Variants in CSMD1 observed in about 807,000 individuals in gnomAD.
CSMD1 encodes CUB and Sushi multiple domains 1.
In CSMD1, 213 loss-of-function variants were observed where a neutral mutation model predicts 417.5. That is an observed-to-expected ratio of 0.51 (90% CI 0.46 to 0.57). CSMD1 has a LOEUF of 0.57. Among genes scored for constraint, CSMD1 ranks in the 20% least tolerant of loss-of-function variants. The pLI, the probability that CSMD1 is intolerant of heterozygous loss-of-function variation, is 0.00. For missense variants in CSMD1, 6,923 were observed against 4,529.7 expected, an observed-to-expected ratio of 1.53 and a Z score of -15.17; for synonymous variants, 2,862 against 1,736.8, an observed-to-expected ratio of 1.65 and a Z score of -16.11.
intron 17 of CSMD1, among the ~76,000 whole-genome samples, chr8:3,393,016 G>C (rs1464419375): frequency 2.0e-5 from 3 of 152,160 alleles, no homozygotes; most frequent in Admixed American, 6.5e-5. Flanking sequence ...AAAAAGCCAT[G>C]TCCTGAACCT....
At chr8:4,039,760 G>A (rs1215081974) in intron 3 of CSMD1, among the ~76,000 whole-genome samples, 2 of 152,188 alleles carry the variant, frequency 1.3e-5, no homozygotes, top group Non-Finnish European at 2.9e-5. Context: ...TGTGGGGGAA[G>A]TCGTTGTGGC....
At chr8:3,859,633 A>G (rs1215934068) in intron 5 of CSMD1, among the ~76,000 whole-genome samples, 3 of 152,186 alleles carry the variant, frequency 2.0e-5, no homozygotes, top group Non-Finnish European at 4.4e-5. Context: ...GGTTTACATG[A>G]CGTCAGTTGA....
intron 3 of CSMD1, among the ~76,000 whole-genome samples, chr8:4,082,494 C>G (rs977779765): frequency 6.6e-5 from 10 of 152,032 alleles, no homozygotes; most frequent in African/African-American, 2.2e-4. Context: ...ATTTTGATAA[C>G]AAAGTCTGTC....
At position 3,460,018 on chromosome 8, in the gene CSMD1, G is replaced by T. The variant is rs576285905; in HGVS notation, c.1561+8694C>A. 2.0e-5 allele frequency among the ~76,000 whole-genome samples: 3 copies of T among 152,326 alleles called. No homozygotes were observed. The South Asian group carries it at 6.2e-4, about 32-fold the overall frequency. On this transcript the variant is annotated intron_variant, in intron 12 of 69. Transcript: ENST00000635120. ...TAAGGATGCAGCTATACAACCTGCA[G>T]CTTCTGCACAGCTGCACAGGTGTGG... is the stretch of plus-strand genomic sequence containing the variant.
intron 7 of CSMD1, among the ~76,000 whole-genome samples, chr8:3,696,902 G>C (rs998889473): frequency 2.6e-5 from 4 of 152,104 alleles, no homozygotes; most frequent in African/African-American, 9.7e-5. Context: ...ATAGATTTAT[G>C]AAAGAGAACA....
intron 41 of CSMD1, among the ~76,000 whole-genome samples, chr8:3,138,603 G>A (rs558380078): frequency 6.6e-6 from 1 of 152,330 alleles, no homozygotes; most frequent in Non-Finnish European, 1.5e-5. Flanking sequence ...ATTGCCTCCT[G>A]CAGGGTATTA....
At chr8:3,120,709 G>T (rs1027514377) in intron 41 of CSMD1, among the ~76,000 whole-genome samples, 1 of 150,462 alleles carries the variant, frequency 6.6e-6, no homozygotes, top group African/African-American at 2.4e-5. Flanking sequence ...TAGCCAGGGG[G>T]GGTGACCGGC....
intron 23 of CSMD1, among the ~76,000 whole-genome samples, chr8:3,313,578 G>C (rs768119543): frequency 1.6e-4 from 25 of 152,306 alleles, no homozygotes; most frequent in Middle Eastern, 3.4e-3. Context: ...TCTCACACGA[G>C]TTAGAATGGC....
At chr8:3,756,116 G>C (rs1797642008) in intron 5 of CSMD1, among the ~76,000 whole-genome samples, 1 of 152,010 alleles carries the variant, frequency 6.6e-6, no homozygotes. Context: ...CAGCATTTTG[G>C]GAGGCCGAGG....
At chr8:4,882,846 T>C (rs1180634859) in intron 1 of CSMD1, among the ~76,000 whole-genome samples, 1 of 152,046 alleles carries the variant, frequency 6.6e-6, no homozygotes, top group Non-Finnish European at 1.5e-5. Context: ...TTGACTTGAA[T>C]ATTGGGATTA....
chr8:3,785,211 T>G (rs1020056563), intron 5 of CSMD1, among the ~76,000 whole-genome samples: 8 of 152,238 alleles, frequency 5.3e-5, no homozygotes, highest in Non-Finnish European at 1.0e-4. Context: ...AGAGTTGTTA[T>G]GAAGAATCAA....
At position 4,034,012 on chromosome 8, in the gene CSMD1, A is replaced by G. The variant is rs556884648; in HGVS notation, c.416-1913T>C. 2.0e-4 allele frequency among the ~76,000 whole-genome samples: 30 copies of G among 152,328 alleles called. 2 individuals are homozygous for G. The South Asian group carries it at 6.2e-3, about 32-fold the overall frequency. On this transcript the variant is annotated intron_variant, in intron 3 of 69. Coordinates refer to ENST00000635120, the MANE Select transcript of CSMD1 (RefSeq NM_033225.6). Reference sequence around the variant, plus strand: ...CTAGTAGAGAAATACAAACACTTCCAAATAAAAATGTATTTCCAATTGAAC... The same window carrying G: ...CTAGTAGAGAAATACAAACACTTCCGAATAAAAATGTATTTCCAATTGAAC...
At chr8:4,804,264 C>G (rs1937509430) in intron 1 of CSMD1, among the ~76,000 whole-genome samples, 1 of 152,062 alleles carries the variant, frequency 6.6e-6, no homozygotes, top group Non-Finnish European at 1.5e-5. Context: ...AAATAAGCCT[C>G]TAATTATTGA....
chr8:3,106,941 A>C, intron 45 of CSMD1: 1 of 248,188 alleles, frequency 4.0e-6, no homozygotes, highest in Non-Finnish European at 7.7e-6. Context: ...AGAAAAAAAA[A>C]GTAAAGTAGA....
At chr8:4,957,132 A>C (rs1809168192) in intron 1 of CSMD1, among the ~76,000 whole-genome samples, 1 of 152,208 alleles carries the variant, frequency 6.6e-6, no homozygotes, top group Non-Finnish European at 1.5e-5. Flanking sequence ...AATAAAAGCA[A>C]ATGAAATCTG....
At chr8:4,353,820 GTTC>G (rs1801239582) in intron 3 of CSMD1, among the ~76,000 whole-genome samples, 1 of 152,128 alleles carries the variant, frequency 6.6e-6, no homozygotes, top group Non-Finnish European at 1.5e-5. Context: ...TAAAACCAGT[GTTC>G]TTCTCTCCTC....
intron 18 of CSMD1, among the ~76,000 whole-genome samples, chr8:3,376,915 G>C (rs941879271): frequency 1.3e-5 from 2 of 152,148 alleles, no homozygotes; most frequent in Non-Finnish European, 2.9e-5. Context: ...AGGGTAATGA[G>C]AACAAGCCTT....
At chr8:3,461,805 A>C (rs1053457836) in intron 12 of CSMD1, among the ~76,000 whole-genome samples, 12 of 152,284 alleles carry the variant, frequency 7.9e-5, no homozygotes, top group Admixed American at 2.6e-4. Flanking sequence ...CGTGTGATAG[A>C]ACACGGACAA....
chr8:4,245,436 G>C (rs978213779), intron 3 of CSMD1, among the ~76,000 whole-genome samples: 24 of 152,138 alleles, frequency 1.6e-4, no homozygotes, highest in African/African-American at 5.8e-4. Flanking sequence ...GGCAGGTTAG[G>C]TGGTGCTCAA....
Sources: gnomAD v4.1 joint callset for allele counts (sites outside exome capture counted in the v4.1 genomes callset) on GRCh38, gnomAD v4.1.1 for gene constraint, MANE v1.5 for transcripts, NCBI Gene and HGNC (gene_info 2026-07-23, HGNC 2026-07-21) for gene names.